HPSE2: variants seen among roughly 807,000 people sequenced by gnomAD.
The protein encoded by HPSE2 is heparanase 2 (inactive), also known as inactive heparanase-2.
HPSE2 carries 38 observed loss-of-function variants against 60.5 expected under a neutral mutation model. The ratio of observed to expected loss-of-function variants is 0.63; its 90% CI spans 0.48 to 0.82. The LOEUF (loss-of-function observed/expected upper bound fraction) is 0.82. Among genes scored for constraint, HPSE2 ranks in the 40% least tolerant of loss-of-function variants. The pLI, the probability that HPSE2 is intolerant of heterozygous loss-of-function variation, is 0.00. For synonymous variants in HPSE2, 295 were observed against 293.2 expected (o/e 1.01, Z -0.06); for missense variants, 713 against 740.4 (o/e 0.96, Z 0.43).
At chr10:98,895,530 T>G (rs947568841) in intron 3 of HPSE2, among the ~76,000 whole-genome samples, 1 of 152,146 alleles carries the variant, frequency 6.6e-6, no homozygotes, top group Admixed American at 6.6e-5. Context: ...TAATTCTAAG[T>G]ACTCTGATCT....
chr10:99,232,596 G>C, intron 1 of HPSE2, 91 bp from the exon 2 acceptor site: 1 of 1,400,820 alleles, frequency 7.1e-7, no homozygotes, highest in Non-Finnish European at 9.9e-7. Context: ...TACTCCCTGA[G>C]GGCGACCTGG....
chr10:98,588,793 T>C (rs774867729), intron 9 of HPSE2, among the ~76,000 whole-genome samples: 3 of 151,704 alleles, frequency 2.0e-5, no homozygotes, highest in Non-Finnish European at 4.4e-5. Context: ...AACCAGATGA[T>C]AGCACATGAG....
At chr10:99,198,147 AAAAC>A (rs1035484367) in intron 2 of HPSE2, among the ~76,000 whole-genome samples, 1 of 152,208 alleles carries the variant, frequency 6.6e-6, no homozygotes, top group African/African-American at 2.4e-5. Context: ...TGAGGAATAA[AAAAC>A]AATCAAAAAC....
rs940259063 is a variant in HPSE2 at position 98,526,275 on chromosome 10, T to A, written c.1321-36079A>T. Among the ~76,000 whole-genome samples the A allele has an allele frequency of 2.6e-5, 4 of 152,156 alleles. 1 individual carries two copies. The highest frequency in any genetic ancestry group is 5.9e-5 in the Non-Finnish European group (4 of 68,034). ...TAGAATCTTTGTCTTTTACTGTGAG[T>A]TGGTATTTGCAAAGGTATAAGGAAA... On this transcript the variant is annotated intron_variant, in intron 9 of 11. Coordinates refer to ENST00000370552, the MANE Select transcript of HPSE2 (RefSeq NM_021828.5).
At chr10:98,758,750 G>C (rs996925595) in intron 3 of HPSE2, among the ~76,000 whole-genome samples, 1 of 152,198 alleles carries the variant, frequency 6.6e-6, no homozygotes, top group African/African-American at 2.4e-5. Context: ...ATGCAAATTA[G>C]TTCAGCCATT....
At chr10:98,994,855 T>C (rs1173338742) in intron 3 of HPSE2, among the ~76,000 whole-genome samples, 2 of 152,170 alleles carry the variant, frequency 1.3e-5, no homozygotes, top group Non-Finnish European at 2.9e-5. Flanking sequence ...CTGTCCCTCC[T>C]TGGCAGAGTG....
Position 98,936,712 on chromosome 10 carries a change from G to A in HPSE2, c.611-192656C>T, listed in dbSNP as rs1954802177. On this transcript the variant is annotated intron_variant, in intron 3 of 11. Transcript: ENST00000370552. ...TTTGAAAGTTTTGGCCAGGTGCGGT[G>A]GCTCACGCCTGTAATCCCAGCACTT... is the stretch of plus-strand genomic sequence containing the variant. Among the ~76,000 whole-genome samples, 2 of 142,938 alleles carry A rather than the reference G, an allele frequency of 1.4e-5. 1 individual carries two copies. Among genetic ancestry groups the A allele is most frequent in the South Asian group, 4.2e-4 (2 of 4,708 alleles). The allele number at this position is 142,938 out of a possible 152,430, so 93.8% of individuals were successfully genotyped here. A position where few individuals can be genotyped will look rare whatever the true frequency, so the allele number is the denominator to read the frequency against.
chr10:99,315,777 T>A, the HPSE2 span, among the ~76,000 whole-genome samples: 1 of 152,204 alleles, frequency 6.6e-6, no homozygotes, highest in African/African-American at 2.4e-5. Flanking sequence ...CAAGTCCCAA[T>A]ACAACCAGGA....
At chr10:99,210,523 A>C (rs772611566) in intron 2 of HPSE2, among the ~76,000 whole-genome samples, 7 of 152,234 alleles carry the variant, frequency 4.6e-5, no homozygotes, top group Non-Finnish European at 8.8e-5. Context: ...ATTCCTCAAC[A>C]AAATGCTAAC....
chr10:98,716,992 T>C (rs1948807702), intron 5 of HPSE2, among the ~76,000 whole-genome samples: 1 of 152,122 alleles, frequency 6.6e-6, no homozygotes, highest in African/African-American at 2.4e-5. Flanking sequence ...GAGAAGGATG[T>C]CTCATCCATA....
chr10:98,491,852 C>A (rs1235478878), intron 9 of HPSE2, among the ~76,000 whole-genome samples: 3 of 152,132 alleles, frequency 2.0e-5, no homozygotes, highest in African/African-American at 7.2e-5. Flanking sequence ...AGCTGAAAAA[C>A]AAGGAATTCA....
At chr10:99,313,647 C>T in the HPSE2 span, among the ~76,000 whole-genome samples, 52 of 122,128 alleles carry the variant, frequency 4.3e-4, no homozygotes, top group Admixed American at 2.7e-3. Context: ...GTCGCCAGGC[C>T]GGAATACAGT....
At chr10:98,695,348 T>C (rs573131232) in intron 5 of HPSE2, among the ~76,000 whole-genome samples, 1 of 152,238 alleles carries the variant, frequency 6.6e-6, no homozygotes, top group African/African-American at 2.4e-5. Flanking sequence ...GGTTTTGCCT[T>C]TCTTTCTCCA....
chr10:99,186,133 C>CACACACACACACAT (rs1848009566), intron 2 of HPSE2, among the ~76,000 whole-genome samples: 1 of 150,740 alleles, frequency 6.6e-6, no homozygotes, highest in East Asian at 1.9e-4. Flanking sequence ...CACACACACA[C>CACACACACACACAT]ACACACACAC....
chr10:98,745,857 G>A (rs1180399103), intron 3 of HPSE2, among the ~76,000 whole-genome samples: 1 of 152,150 alleles, frequency 6.6e-6, no homozygotes, highest in Non-Finnish European at 1.5e-5. Flanking sequence ...GAGGTCACCA[G>A]AGGTTCTGCA....
chr10:98,954,921 T>C (rs1209804430), intron 3 of HPSE2, among the ~76,000 whole-genome samples: 1 of 150,586 alleles, frequency 6.6e-6, no homozygotes, highest in African/African-American at 2.4e-5. Context: ...GAAGTGAAAG[T>C]TGAGTATTCA....
At chr10:99,272,225 G>T in the HPSE2 span, among the ~76,000 whole-genome samples, 1 of 147,878 alleles carries the variant, frequency 6.8e-6, no homozygotes, top group Non-Finnish European at 1.5e-5. Context: ...AGCCCAGATT[G>T]CACCACTGCA....
chr10:98,674,921 ATT>A (rs1439108183), intron 6 of HPSE2, among the ~76,000 whole-genome samples: 1 of 152,172 alleles, frequency 6.6e-6, no homozygotes, highest in Non-Finnish European at 1.5e-5. Context: ...AAAATAGCAA[ATT>A]CAAAGAGGCA....
chr10:99,159,058 C>T (rs11189999), intron 2 of HPSE2, among the ~76,000 whole-genome samples: 72,342 of 151,678 alleles, frequency 0.48, 19,608 homozygotes, highest in Non-Finnish European at 0.61. Flanking sequence ...AAAAAAGGAA[C>T]GTTCTCACAT....
Sources: gnomAD v4.1 joint callset for allele counts (sites outside exome capture counted in the v4.1 genomes callset) on GRCh38, gnomAD v4.1.1 for gene constraint, MANE v1.5 for transcripts, NCBI Gene and HGNC (gene_info 2026-07-23, HGNC 2026-07-21) for gene names.